TRAK1: variants seen among roughly 807,000 people sequenced by gnomAD.
TRAK1 encodes the protein trafficking kinesin protein 1, also known as trafficking kinesin-binding protein 1.
In TRAK1, 33 loss-of-function variants were observed where a neutral mutation model predicts 92.1. That is an observed-to-expected ratio of 0.36 (90% CI 0.27 to 0.48). The LOEUF (loss-of-function observed/expected upper bound fraction) is 0.48. Ranked by LOEUF, TRAK1 falls within the 20% of genes least tolerant of loss-of-function variation. TRAK1 has a pLI of 0.99. For synonymous variants in TRAK1, 521 were observed against 517.3 expected, an observed-to-expected ratio of 1.01 and a Z score of -0.10; for missense variants, 1,123 against 1,257.9, an observed-to-expected ratio of 0.89 and a Z score of 1.62.
At chr3:42,035,000 C>G (rs1702274629) in intron 1 of TRAK1, among the ~76,000 whole-genome samples, 1 of 152,322 alleles carries the variant, frequency 6.6e-6, no homozygotes, top group Non-Finnish European at 1.5e-5. Flanking sequence ...AGCCATTGCT[C>G]TTCTCCTACT....
intron 2 of TRAK1, among the ~76,000 whole-genome samples, chr3:42,129,389 A>T (rs1378407246): frequency 6.6e-6 from 1 of 152,172 alleles, no homozygotes; most frequent in South Asian, 2.1e-4. Context: ...ACACATTGCT[A>T]TGCAGATCAG....
intron 1 of TRAK1, among the ~76,000 whole-genome samples, chr3:42,024,044 C>T (rs781528077): frequency 3.9e-5 from 6 of 151,960 alleles, no homozygotes; most frequent in Admixed American, 6.6e-5. Flanking sequence ...CGTGAGCCAC[C>T]GTGACCGGCT....
At chr3:42,165,241 G>T (rs1313097912) in intron 2 of TRAK1, among the ~76,000 whole-genome samples, 1 of 152,126 alleles carries the variant, frequency 6.6e-6, no homozygotes, top group Non-Finnish European at 1.5e-5. Flanking sequence ...CTTAGGGGTG[G>T]TTGCTAAGAG....
chr3:42,125,313 T>C (rs999634855), intron 1 of TRAK1, 107 bp from the exon 2 acceptor site: 3 of 946,820 alleles, frequency 3.2e-6, no homozygotes, highest in African/African-American at 3.3e-5. Flanking sequence ...TTCTTTGTGC[T>C]GTAGATAAAT....
rs1439932933 is a variant in TRAK1, at chr3:42,225,871, A to G, written c.*2134A>G. 1 of 152,144 alleles carries G rather than the reference A, an allele frequency of 6.6e-6. No individual in the cohort carries two copies. The highest frequency in any genetic ancestry group is 6.5e-5 in the Admixed American group (1 of 15,270). 9.4% of individuals were successfully genotyped at this position (152,144 alleles called of 1,614,324 possible). A position where few individuals can be genotyped will look rare whatever the true frequency, so the allele number is the denominator to read the frequency against. ...AAGTGTTTAGCTCTTTGCAAAATTA[A>G]ATGAAAGGCATATACTTCACATACT... On this transcript the variant is annotated 3_prime_UTR_variant, in exon 16 of 16. Coordinates refer to ENST00000327628, the MANE Select transcript of TRAK1 (RefSeq NM_001042646.3).
At chr3:42,222,278 A>G (rs1370008200) in intron 15 of TRAK1, among the ~76,000 whole-genome samples, 2 of 152,074 alleles carry the variant, frequency 1.3e-5, no homozygotes, top group Non-Finnish European at 2.9e-5. Flanking sequence ...GCGACCCTCT[A>G]ACTCCACTGG....
intron 3 of TRAK1, among the ~76,000 whole-genome samples, chr3:42,178,159 G>A (rs1247720184): frequency 6.7e-6 from 1 of 149,284 alleles, no homozygotes; most frequent in Non-Finnish European, 1.5e-5. Flanking sequence ...TCTTCTGAGA[G>A]GGGTCCTAAT....
At chr3:42,063,893 A>G (rs1318289802) in intron 1 of TRAK1, among the ~76,000 whole-genome samples, 1 of 152,166 alleles carries the variant, frequency 6.6e-6, no homozygotes, top group Non-Finnish European at 1.5e-5. Flanking sequence ...TTGCGGTAGA[A>G]GTGACACTGT....
intron 2 of TRAK1, among the ~76,000 whole-genome samples, chr3:42,151,098 C>G (rs1397330643): frequency 1.3e-5 from 2 of 152,206 alleles, no homozygotes; most frequent in Non-Finnish European, 2.9e-5. Flanking sequence ...TTAGGGAGCA[C>G]TGGTTACAGC....
At chr3:42,017,942 C>CT (rs1030166035) in intron 1 of TRAK1, among the ~76,000 whole-genome samples, 5 of 151,306 alleles carry the variant, frequency 3.3e-5, no homozygotes, top group Non-Finnish European at 7.4e-5. Context: ...TCCTTAAACA[C>CT]TTTTTTTTTC....
At chr3:42,164,479 C>T (rs1334182176) in intron 2 of TRAK1, among the ~76,000 whole-genome samples, 3 of 152,218 alleles carry the variant, frequency 2.0e-5, no homozygotes, top group Non-Finnish European at 4.4e-5. Context: ...ATAGTTTGCA[C>T]TTGTGTAGAG....
intron 15 of TRAK1, among the ~76,000 whole-genome samples, chr3:42,220,842 C>T (rs1454278139): frequency 6.6e-6 from 1 of 152,178 alleles, no homozygotes; most frequent in Non-Finnish European, 1.5e-5. Context: ...GCTTTGTCTC[C>T]TCCGTCTCTC....
At chr3:42,069,518 G>A (rs1703824752) in intron 1 of TRAK1, among the ~76,000 whole-genome samples, 1 of 151,996 alleles carries the variant, frequency 6.6e-6, no homozygotes, top group Admixed American at 6.6e-5. Flanking sequence ...AATTCTATTG[G>A]AAATATTCTT....
intron 1 of TRAK1, among the ~76,000 whole-genome samples, chr3:42,103,651 T>G (rs1707118700): frequency 1.3e-5 from 2 of 152,166 alleles, no homozygotes; most frequent in Non-Finnish European, 2.9e-5. Flanking sequence ...ATCCCAGCAC[T>G]TTGGGAGGCT....
chr3:42,055,116 C>T lies in TRAK1; in HGVS notation c.-518-31988C>T, dbSNP rs190854831. 6.6e-3 allele frequency among the ~76,000 whole-genome samples: 999 copies of T among 151,968 alleles called. 6 individuals carry two copies. Among genetic ancestry groups the T allele is most frequent in the Middle Eastern group, 0.01 (3 of 294 alleles). ...TGTATTTTTAGTAGAGACAGGGTTTCGCCATGTTGGCCAGGCTGGCCTCAA... is the reference window on the plus strand; with the variant it reads ...TGTATTTTTAGTAGAGACAGGGTTTTGCCATGTTGGCCAGGCTGGCCTCAA... On this transcript the variant is annotated intron_variant, in intron 1 of 16. Transcript: ENST00000487159.
chr3:42,060,445 G>A (rs79548720), intron 1 of TRAK1, among the ~76,000 whole-genome samples: 1 of 152,074 alleles, frequency 6.6e-6, no homozygotes, highest in East Asian at 1.9e-4. Context: ...AGGAGAGACG[G>A]GGCAGCTTTG....
chr3:42,219,990 T>C (rs1710184512), intron 15 of TRAK1, among the ~76,000 whole-genome samples: 1 of 152,006 alleles, frequency 6.6e-6, no homozygotes, highest in Non-Finnish European at 1.5e-5. Flanking sequence ...GCCCTTTTAG[T>C]TGGCTATTTA....
chr3:42,022,181 AAGGCATTAG>A (rs1172032583), intron 1 of TRAK1, among the ~76,000 whole-genome samples: 9 of 152,220 alleles, frequency 5.9e-5, no homozygotes, highest in Admixed American at 5.9e-4. Context: ...CAGTGGTCCC[AAGGCATTAG>A]AAGAATTGCT....
At chr3:42,189,539 TTC>T (rs1705373145) in intron 6 of TRAK1, among the ~76,000 whole-genome samples, 1 of 152,178 alleles carries the variant, frequency 6.6e-6, no homozygotes, top group Non-Finnish European at 1.5e-5. Context: ...TTTTCTTTTT[TTC>T]TTTTTTTTTG....
Sources: gnomAD v4.1 joint callset for allele counts (sites outside exome capture counted in the v4.1 genomes callset) on GRCh38, gnomAD v4.1.1 for gene constraint, MANE v1.5 for transcripts, NCBI Gene and HGNC (gene_info 2026-07-23, HGNC 2026-07-21) for gene names.